Variants in MSI2 observed in about 807,000 individuals in gnomAD.
The protein encoded by MSI2 is RNA-binding protein Musashi homolog 2.
A neutral mutation model predicts 45.6 loss-of-function variants in MSI2; 17 were observed. The observed-to-expected ratio is 0.37, with a 90% CI of 0.26 to 0.56. The LOEUF (loss-of-function observed/expected upper bound fraction) is 0.56, where lower values mean the gene tolerates loss of function less well. MSI2 is among the 20% of genes least tolerant of loss of function. MSI2 has a pLI of 0.77. For synonymous variants in MSI2, 156 were observed against 158.2 expected, an observed-to-expected ratio of 0.99 and a Z score of 0.11; for missense variants, 293 against 444.2, an observed-to-expected ratio of 0.66 and a Z score of 3.06.
intron 6 of MSI2, among the ~76,000 whole-genome samples, chr17:57,402,021 G>A (rs1465437565): frequency 2.0e-5 from 3 of 152,156 alleles, no homozygotes; most frequent in African/African-American, 7.2e-5. Flanking sequence ...ATTACCCCCT[G>A]GGCTCTGCTT....
At chr17:57,392,260 C>T (rs2083807741) in intron 5 of MSI2, among the ~76,000 whole-genome samples, 1 of 152,152 alleles carries the variant, frequency 6.6e-6, no homozygotes, top group Non-Finnish European at 1.5e-5. Context: ...GGACAGGTCA[C>T]CCCTGTGGCT....
intron 5 of MSI2, among the ~76,000 whole-genome samples, chr17:57,353,973 A>G (rs1198442664): frequency 2.0e-5 from 3 of 152,202 alleles, no homozygotes; most frequent in African/African-American, 7.2e-5. Flanking sequence ...ATAACAAGAG[A>G]GAAAACATTT....
chr17:57,647,117 A>G (rs1008043321), intron 10 of MSI2, among the ~76,000 whole-genome samples: 1 of 152,002 alleles, frequency 6.6e-6, no homozygotes, highest in Non-Finnish European at 1.5e-5. Context: ...TATGAAGGAT[A>G]CCAGACCACT....
At chr17:57,615,124 ATT>A (rs35618682) in intron 8 of MSI2, among the ~76,000 whole-genome samples, 1,401 of 132,558 alleles carry the variant, frequency 0.011, 16 homozygotes, top group African/African-American at 0.033. Context: ...TTGCACAAGA[ATT>A]TTTTTTTTTT....
Position 57,425,834 on chromosome 17 carries a change from C to G in MSI2, c.405+24363C>G, listed in dbSNP as rs538998330. On this transcript the variant is annotated intron_variant, in intron 6 of 13. Coordinates refer to ENST00000284073, the MANE Select transcript of MSI2 (RefSeq NM_138962.4). The stretch of plus-strand genomic sequence containing the variant: ...TTTGCTATTTATTGCCAAACTGCCC[C>G]ACAGGGAGGTTGTACTAATTTACAT... Among the ~76,000 whole-genome samples, 4 of 152,342 alleles carry G rather than the reference C, an allele frequency of 2.6e-5. No homozygotes were observed. In the East Asian group the frequency reaches 5.8e-4, roughly 22 times the overall value.
At chr17:57,355,718 C>T (rs1916363408) in intron 5 of MSI2, among the ~76,000 whole-genome samples, 3 of 152,226 alleles carry the variant, frequency 2.0e-5, no homozygotes, top group African/African-American at 7.2e-5. Flanking sequence ...GCAGGCAGGG[C>T]CTGGCGGGTT....
intron 7 of MSI2, among the ~76,000 whole-genome samples, chr17:57,568,443 T>G (rs2087790953): frequency 6.6e-6 from 1 of 152,060 alleles, no homozygotes; most frequent in Non-Finnish European, 1.5e-5. Flanking sequence ...CTTGCCCCAA[T>G]CAAGAACAAA....
chr17:57,624,479 C>T (rs985955013), intron 9 of MSI2, among the ~76,000 whole-genome samples: 1 of 152,218 alleles, frequency 6.6e-6, no homozygotes, highest in Non-Finnish European at 1.5e-5. Context: ...TTTAAGGCAT[C>T]TGAGCCCTGG....
intron 5 of MSI2, among the ~76,000 whole-genome samples, chr17:57,317,506 C>CTTTTTTT (rs921448429): frequency 1.4e-4 from 13 of 94,532 alleles, no homozygotes; most frequent in South Asian, 3.5e-4. Context: ...TATAGTTTTG[C>CTTTTTTT]TTTTTTTTTT....
intron 6 of MSI2, among the ~76,000 whole-genome samples, chr17:57,458,753 A>G (rs915187524): frequency 2.0e-5 from 3 of 152,228 alleles, no homozygotes; most frequent in Admixed American, 6.5e-5. Flanking sequence ...TGCTACTGAT[A>G]CCATGTCTTG....
intron 9 of MSI2, among the ~76,000 whole-genome samples, chr17:57,621,520 A>C (rs1908288756): frequency 6.6e-6 from 1 of 152,240 alleles, no homozygotes. Flanking sequence ...CAGAAAACTA[A>C]GTCTCTGACT....
At chr17:57,531,772 C>T (rs913753657) in intron 7 of MSI2, 6 of 152,192 alleles carry the variant, frequency 3.9e-5, no homozygotes, top group African/African-American at 1.4e-4. Context: ...GAGGGCTGGT[C>T]ATGGCAGAGG....
chr17:57,592,534 A>G (rs1286426406), intron 7 of MSI2, among the ~76,000 whole-genome samples: 1 of 152,248 alleles, frequency 6.6e-6, no homozygotes, highest in Non-Finnish European at 1.5e-5. Flanking sequence ...GCTCGGGCCA[A>G]ACAGACAGAG....
At chr17:57,618,800 C>T (rs1269415105) in intron 9 of MSI2, among the ~76,000 whole-genome samples, 2 of 152,174 alleles carry the variant, frequency 1.3e-5, no homozygotes, top group Non-Finnish European at 2.9e-5. Flanking sequence ...CCTCAGCCTC[C>T]CAAAGTGCTG....
intron 8 of MSI2, among the ~76,000 whole-genome samples, chr17:57,598,676 T>C (rs534382888): frequency 6.6e-6 from 1 of 151,342 alleles, no homozygotes; most frequent in East Asian, 1.9e-4. Flanking sequence ...TTTTTTTTTT[T>C]AATTGAGACA....
intron 10 of MSI2, among the ~76,000 whole-genome samples, chr17:57,649,424 AAT>A (rs1910957036): frequency 6.7e-6 from 1 of 149,742 alleles, no homozygotes; most frequent in Non-Finnish European, 1.5e-5. Context: ...CAACACATTC[AAT>A]ACACACACAC....
At chr17:57,689,234 TTC>T (rs746323652), downstream of MSI2, among the ~76,000 whole-genome samples, 2 of 152,152 alleles carry the variant, frequency 1.3e-5, no homozygotes, top group South Asian at 2.1e-4. Flanking sequence ...TAATAGTATG[TTC>T]TCTCTCTCTA....
chr17:57,382,839 A>G (rs1169147078), intron 5 of MSI2, among the ~76,000 whole-genome samples: 2 of 152,246 alleles, frequency 1.3e-5, no homozygotes, highest in Non-Finnish European at 2.9e-5. Context: ...GCAAAAGTCT[A>G]ATAAGATCAG....
At chr17:57,311,549 T>C (rs1329855217) in intron 5 of MSI2, among the ~76,000 whole-genome samples, 1 of 152,108 alleles carries the variant, frequency 6.6e-6, no homozygotes, top group African/African-American at 2.4e-5. Flanking sequence ...AAAGCCATAG[T>C]ATTGGCTATA....
Sources: gnomAD v4.1 joint callset for allele counts (sites outside exome capture counted in the v4.1 genomes callset) on GRCh38, gnomAD v4.1.1 for gene constraint, MANE v1.5 for transcripts, NCBI Gene and HGNC (gene_info 2026-07-23, HGNC 2026-07-21) for gene names.